The following PALS2 variants were observed in gnomAD, a reference collection of about 807,000 sequenced individuals.
PALS2 encodes the protein protein PALS2.
In PALS2, 27 loss-of-function variants were observed where a neutral mutation model predicts 61.6. The ratio of observed to expected loss-of-function variants is 0.44; its 90% CI spans 0.32 to 0.60. The LOEUF (loss-of-function observed/expected upper bound fraction) is 0.60. Ranked by LOEUF, PALS2 falls within the 20% of genes least tolerant of loss-of-function variation. PALS2 has a pLI of 0.05. For missense variants in PALS2, 554 were observed against 639.4 expected (o/e 0.87, Z 1.44); for synonymous variants, 236 against 218.6 (o/e 1.08, Z -0.70).
At chr7:24,594,046 T>C (rs938640304) in intron 1 of PALS2, among the ~76,000 whole-genome samples, 6 of 152,264 alleles carry the variant, frequency 3.9e-5, no homozygotes, top group East Asian at 3.9e-4. Context: ...CCTTCATCAA[T>C]GATCTTAGCT....
chr7:24,598,115 G>A (rs1234416667), intron 1 of PALS2, among the ~76,000 whole-genome samples: 1 of 152,220 alleles, frequency 6.6e-6, no homozygotes, highest in African/African-American at 2.4e-5. Flanking sequence ...AGGCCACTGG[G>A]GAGATCTTTT....
intron 1 of PALS2, among the ~76,000 whole-genome samples, chr7:24,621,128 C>T (rs981313030): frequency 7.9e-5 from 12 of 152,116 alleles, no homozygotes; most frequent in African/African-American, 2.7e-4. Flanking sequence ...TACTAAGTAG[C>T]TTAGTTTATA....
rs1019656571 is a variant in PALS2 at position 24,656,331 on chromosome 7, T to C, written c.651+5619T>C. Among the ~76,000 whole-genome samples, 8 of 152,346 alleles carry C rather than the reference T, an allele frequency of 5.3e-5. No individual in the cohort carries two copies. In the South Asian group the frequency reaches 1.4e-3, roughly 28 times the overall value. ...CTAATTATTGTCATTTGCATAAGCA[T>C]AGTGTATTCCTGTGCAATATTTCCT... On this transcript the variant is annotated intron_variant, in intron 5 of 11. Coordinates refer to ENST00000222644, the MANE Select transcript of PALS2 (RefSeq NM_001303037.2).
chr7:24,668,478 C>A (rs1210367317), intron 8 of PALS2, 21 bp from the exon 9 acceptor site: 1 of 1,602,136 alleles, frequency 6.2e-7, no homozygotes, highest in East Asian at 2.2e-5. Flanking sequence ...ACTTTGTATT[C>A]CCATTTCCTT....
chr7:24,649,233 A>G (rs371604217), intron 3 of PALS2, among the ~76,000 whole-genome samples: 2 of 152,210 alleles, frequency 1.3e-5, no homozygotes, highest in East Asian at 3.9e-4. Context: ...TTTTTATGGT[A>G]TTTTAGTAAA....
intron 5 of PALS2, among the ~76,000 whole-genome samples, chr7:24,661,364 T>A (rs565881298): frequency 6.6e-6 from 1 of 152,306 alleles, no homozygotes; most frequent in South Asian, 2.1e-4. Context: ...TATAAATCTT[T>A]TACCTTTGAG....
chr7:24,656,769 C>T (rs942755731), intron 5 of PALS2, among the ~76,000 whole-genome samples: 1 of 151,978 alleles, frequency 6.6e-6, no homozygotes, highest in African/African-American at 2.4e-5. Flanking sequence ...TGTGCTCAAG[C>T]GATCTGCCTG....
At chr7:24,620,545 A>G (rs1185615417) in intron 1 of PALS2, among the ~76,000 whole-genome samples, 1 of 152,184 alleles carries the variant, frequency 6.6e-6, no homozygotes, top group Non-Finnish European at 1.5e-5. Context: ...GATCTATTTC[A>G]CAATTTCTTT....
At chr7:24,592,764 G>A (rs982328981) in intron 1 of PALS2, among the ~76,000 whole-genome samples, 14 of 152,064 alleles carry the variant, frequency 9.2e-5, no homozygotes, top group East Asian at 1.9e-4. Context: ...ACTAAAAAAT[G>A]TACATACCTT....
intron 1 of PALS2, among the ~76,000 whole-genome samples, chr7:24,602,653 C>T (rs1008069988): frequency 9.2e-5 from 14 of 152,084 alleles, no homozygotes; most frequent in African/African-American, 3.1e-4. Context: ...ATTTCATTGT[C>T]TTTGGTCGAG....
At chr7:24,665,908 T>TCCTA in intron 7 of PALS2, 113 bp from the exon 8 acceptor site, 1 of 1,120,576 alleles carries the variant, frequency 8.9e-7, no homozygotes, top group Non-Finnish European at 1.3e-6. Flanking sequence ...CTCTTTTGCT[T>TCCTA]CCTAGGATGC....
At chr7:24,657,877 T>A (rs1018444970) in intron 5 of PALS2, among the ~76,000 whole-genome samples, 5 of 152,226 alleles carry the variant, frequency 3.3e-5, no homozygotes, top group Non-Finnish European at 7.3e-5. Flanking sequence ...TTAATTTTTA[T>A]ATAGGATGTG....
chr7:24,581,642 A>G (rs932596723), intron 1 of PALS2, among the ~76,000 whole-genome samples: 3 of 152,134 alleles, frequency 2.0e-5, no homozygotes, highest in Admixed American at 6.5e-5. Flanking sequence ...TGCTACTACT[A>G]TGTATAAGGT....
chr7:24,671,511 A>G (rs1387920101), intron 9 of PALS2, among the ~76,000 whole-genome samples: 2 of 152,142 alleles, frequency 1.3e-5, no homozygotes, highest in East Asian at 3.8e-4. Context: ...GTCCTTTGAT[A>G]TACAAAAGTT....
intron 2 of PALS2, among the ~76,000 whole-genome samples, chr7:24,636,475 A>G (rs1785245265): frequency 1.3e-5 from 2 of 152,198 alleles, no homozygotes; most frequent in Admixed American, 6.5e-5. Context: ...ACAGTAGGTG[A>G]CTATTGCAAA....
At chr7:24,636,969 T>C (rs1012481160) in intron 2 of PALS2, among the ~76,000 whole-genome samples, 2 of 152,196 alleles carry the variant, frequency 1.3e-5, no homozygotes, top group African/African-American at 4.8e-5. Context: ...TTTTGTGTTA[T>C]AGTTAGAAAG....
intron 5 of PALS2, among the ~76,000 whole-genome samples, chr7:24,656,673 C>T (rs1786433304): frequency 6.6e-6 from 1 of 152,076 alleles, no homozygotes; most frequent in Non-Finnish European, 1.5e-5. Context: ...CAGGCATGCA[C>T]CACCACACCC....
chr7:24,658,398 G>C (rs1004861371), intron 5 of PALS2, among the ~76,000 whole-genome samples: 8 of 152,174 alleles, frequency 5.3e-5, no homozygotes, highest in African/African-American at 1.9e-4. Context: ...TAGCACATTT[G>C]ACATTTCTGG....
At chr7:24,595,518 T>TATATAATATATAATATATA (rs1554299360) in intron 1 of PALS2, among the ~76,000 whole-genome samples, 5 of 91,072 alleles carry the variant, frequency 5.5e-5, no homozygotes, top group East Asian at 1.3e-3. Context: ...TAATATATAA[T>TATATAATATATAATATATA]ATATATAATA....
Sources: allele counts gnomAD v4.1 joint callset (sites outside exome capture counted in the v4.1 genomes callset), GRCh38; gene constraint gnomAD v4.1.1; transcripts MANE v1.5; gene names NCBI Gene and HGNC (gene_info 2026-07-23, HGNC 2026-07-21).